MACROD1: variants seen among roughly 807,000 people sequenced by gnomAD.
MACROD1 encodes the protein mono-ADP ribosylhydrolase 1, also known as ADP-ribose glycohydrolase MACROD1.
A neutral mutation model predicts 41.4 loss-of-function variants in MACROD1; 31 were observed. That is an observed-to-expected ratio of 0.75 (90% confidence interval 0.56 to 1.01). The LOEUF is 1.01. Among genes scored for constraint, MACROD1 ranks in the 50% least tolerant of loss-of-function variants. MACROD1 has a pLI of 0.00. For synonymous variants in MACROD1, 252 were observed against 203.4 expected (o/e 1.24, Z -2.03); for missense variants, 473 against 460.0 (o/e 1.03, Z -0.26).
intron 1 of MACROD1, among the ~76,000 whole-genome samples, chr11:64,159,474 CAACA>C (rs766982459): frequency 6.6e-6 from 1 of 151,984 alleles, no homozygotes; most frequent in Non-Finnish European, 1.5e-5. Flanking sequence ...CCAGCCTGGG[CAACA>C]AAGTGAGACC....
At chr11:64,144,987 G>A (rs902675487) in intron 3 of MACROD1, among the ~76,000 whole-genome samples, 4 of 152,180 alleles carry the variant, frequency 2.6e-5, no homozygotes, top group Admixed American at 6.5e-5. Flanking sequence ...GCGGGTGGCC[G>A]CTCAGGTGGC....
chr11:64,163,438 G>A (rs1945787366), intron 1 of MACROD1, among the ~76,000 whole-genome samples: 1 of 152,350 alleles, frequency 6.6e-6, no homozygotes, highest in East Asian at 1.9e-4. Flanking sequence ...GAATAAAGCA[G>A]GAGAGACTTC....
chr11:64,028,171 GGC>G (rs1943245745), intron 3 of MACROD1, among the ~76,000 whole-genome samples: 1 of 152,196 alleles, frequency 6.6e-6, no homozygotes, highest in Non-Finnish European at 1.5e-5. Flanking sequence ...GTGCTGGGGA[GGC>G]GCATGGGAAG....
rs1183370793 is a variant in MACROD1, at chr11:64,096,695, G to A, written c.517+54544C>T. On this transcript the variant is annotated intron_variant, in intron 3 of 10. Coordinates refer to ENST00000255681, the MANE Select transcript of MACROD1 (RefSeq NM_014067.4). The surrounding 1 kb of genome is among the most constrained non-coding windows in gnomAD (Gnocchi z 4.6). Reference sequence around the variant, plus strand: ...GCCTCCCAAAGTGCTGGGATTACAGGCATGAGCCACCGCACCCTACCCTCT... The same window carrying A: ...GCCTCCCAAAGTGCTGGGATTACAGACATGAGCCACCGCACCCTACCCTCT... 6.6e-6 allele frequency among the ~76,000 whole-genome samples: 1 copy of A among 152,180 alleles called. No homozygotes were observed. Among genetic ancestry groups the A allele is most frequent in the African/African-American group, 2.4e-5 (1 of 41,448 alleles).
intron 3 of MACROD1, among the ~76,000 whole-genome samples, chr11:64,088,215 T>C (rs528984475): frequency 1.3e-4 from 19 of 151,800 alleles, no homozygotes; most frequent in African/African-American, 4.1e-4. Context: ...GGTGGGGAGG[T>C]TGGTAAAAGT....
intron 1 of MACROD1, among the ~76,000 whole-genome samples, chr11:64,157,487 T>G (rs548631581): frequency 6.6e-6 from 1 of 152,340 alleles, no homozygotes; most frequent in African/African-American, 2.4e-5. Flanking sequence ...TTATAAAAGA[T>G]GTAAAACATG....
intron 3 of MACROD1, among the ~76,000 whole-genome samples, chr11:64,040,390 C>A (rs531330700): frequency 7.2e-5 from 11 of 152,248 alleles, no homozygotes; most frequent in African/African-American, 2.4e-4. Context: ...TGCATGGAGA[C>A]CCCCGGCAGG....
In MACROD1 at chr11:64,015,298, C is replaced by CA. The variant is rs780897654; in HGVS notation, c.518-18dup. On this transcript the variant is annotated splice_polypyrimidine_tract_variant and intron_variant, in intron 3 of 10. Coordinates refer to ENST00000255681, the MANE Select transcript of MACROD1 (RefSeq NM_014067.4). ...AGCTGTTGGCTGCAAGAGAGAGAGA[C>CA]AAAGGCAGATCAGTGGGGAAGGGGC... The CA allele has an allele frequency of 1.2e-6, 2 of 1,603,808 alleles. No homozygotes were observed. The highest frequency in any genetic ancestry group is 1.7e-6 in the Non-Finnish European group (2 of 1,175,242).
At chr11:64,129,540 C>T (rs1048058874) in intron 3 of MACROD1, among the ~76,000 whole-genome samples, 4 of 152,190 alleles carry the variant, frequency 2.6e-5, no homozygotes, top group African/African-American at 4.8e-5. Flanking sequence ...GGGTTTCTCC[C>T]GCATTCCTGG....
intron 1 of MACROD1, among the ~76,000 whole-genome samples, chr11:64,153,774 CCT>C (rs1211987482): frequency 1.3e-5 from 2 of 152,158 alleles, no homozygotes; most frequent in Non-Finnish European, 2.9e-5. Context: ...ACTTCTGCCC[CCT>C]CTTCCATAAA....
intron 3 of MACROD1, among the ~76,000 whole-genome samples, chr11:64,070,147 C>T (rs142156266): frequency 4.6e-5 from 7 of 152,212 alleles, no homozygotes; most frequent in Admixed American, 1.3e-4. Flanking sequence ...AACTGAGGCC[C>T]GGAGAGACCA....
chr11:64,118,171 T>C, intron 3 of MACROD1: 3 of 1,613,668 alleles, frequency 1.9e-6, no homozygotes, highest in Admixed American at 3.3e-5. Context: ...GAGTACGTGG[T>C]CCACACTATC....
rs1178326724 is a variant in MACROD1, at chr11:64,025,954, G to A, written c.518-10673C>T. Among the ~76,000 whole-genome samples, 4 of 152,030 alleles carry A rather than the reference G, an allele frequency of 2.6e-5. No homozygotes were observed. In the South Asian group the frequency reaches 6.2e-4, roughly 24 times the overall value. On this transcript the variant is annotated intron_variant, in intron 3 of 10. Coordinates refer to ENST00000255681, the MANE Select transcript of MACROD1 (RefSeq NM_014067.4). ...TCCCAGCACTTTGGGAGGCCGAGGC[G>A]GGTATATCACAAGGTCAAGAGTTCG...
Position 64,098,121 on chromosome 11 carries a change from C to T in MACROD1, c.517+53118G>A, listed in dbSNP as rs561845089. Among the ~76,000 whole-genome samples, 3 of 152,194 alleles carry T rather than the reference C, an allele frequency of 2.0e-5. No homozygotes were observed. In the South Asian group the frequency reaches 6.2e-4, roughly 31 times the overall value. ...CTCTCCTGTGCACCTGGGCACCTTC[C>T]AGGTCTCCATGCAGCAGCGAGAACA... is the stretch of plus-strand genomic sequence containing the variant. On this transcript the variant is annotated intron_variant, in intron 3 of 10. Transcript: ENST00000255681.
In MACROD1 at chr11:64,146,573, G is replaced by A. The variant is rs998370927; in HGVS notation, c.517+4666C>T. 6.6e-6 allele frequency among the ~76,000 whole-genome samples: 1 copy of A among 152,088 alleles called. No homozygotes were observed. Among genetic ancestry groups the A allele is most frequent in the African/African-American group, 2.4e-5 (1 of 41,398 alleles). On this transcript the variant is annotated intron_variant, in intron 3 of 10. Transcript: ENST00000255681. The surrounding 1 kb of genome is among the most constrained non-coding windows in gnomAD (Gnocchi z 4.7). Reference sequence around the variant, plus strand: ...AGGCCTGCACTGTGCCTGAGGGTGTGGGGGTTTGTTCCGTCCCTGCAACTT... The same window carrying A: ...AGGCCTGCACTGTGCCTGAGGGTGTAGGGGTTTGTTCCGTCCCTGCAACTT...
intron 3 of MACROD1, among the ~76,000 whole-genome samples, chr11:64,095,883 A>G (rs1237649665): frequency 6.6e-6 from 1 of 152,206 alleles, no homozygotes; most frequent in Non-Finnish European, 1.5e-5. Flanking sequence ...GGGAAGGGGC[A>G]GCCGAGGGAG....
chr11:64,062,443 G>A (rs1445494777), intron 3 of MACROD1, among the ~76,000 whole-genome samples: 1 of 152,274 alleles, frequency 6.6e-6, no homozygotes, highest in East Asian at 1.9e-4. Context: ...GGGCATAGGC[G>A]GAAGGCTCGC....
intron 3 of MACROD1, chr11:64,116,471 C>T (rs778640922): frequency 1.2e-5 from 19 of 1,613,980 alleles, no homozygotes; most frequent in Middle Eastern, 1.6e-4. Context: ...TCTACTGCAA[C>T]GACCGGGGAC....
intron 3 of MACROD1, among the ~76,000 whole-genome samples, chr11:64,150,482 A>G (rs1945558971): frequency 6.6e-6 from 1 of 152,050 alleles, no homozygotes; most frequent in African/African-American, 2.4e-5. Context: ...CCTTCCTCCA[A>G]TGCTTGGTGC....
Sources: allele counts gnomAD v4.1 joint callset (sites outside exome capture counted in the v4.1 genomes callset), GRCh38; gene constraint gnomAD v4.1.1; non-coding constraint Gnocchi (gnomAD v3.1); transcripts MANE v1.5; gene names NCBI Gene and HGNC (gene_info 2026-07-23, HGNC 2026-07-21).